Variants in GPC5 observed in about 807,000 individuals in gnomAD.
GPC5 encodes glypican 5.
GPC5 carries 47 observed loss-of-function variants against 53.9 expected under a neutral mutation model. The observed-to-expected ratio is 0.87, with a 90% CI of 0.69 to 1.11. GPC5 has a LOEUF of 1.11. Ranked by LOEUF, GPC5 falls within the 50% of genes most tolerant of loss-of-function variation. GPC5 has a pLI of 0.00. For synonymous variants in GPC5, 286 were observed against 263.3 expected (o/e 1.09, Z -0.84); for missense variants, 748 against 713.1 (o/e 1.05, Z -0.56).
At chr13:91,688,044 A>G (rs2035660335) in intron 2 of GPC5, among the ~76,000 whole-genome samples, 1 of 152,050 alleles carries the variant, frequency 6.6e-6, no homozygotes, top group Non-Finnish European at 1.5e-5. Flanking sequence ...GTTATTTTGA[A>G]AGTTTAAATT....
At chr13:92,522,310 C>A (rs565178493) in intron 7 of GPC5, among the ~76,000 whole-genome samples, 8 of 152,106 alleles carry the variant, frequency 5.3e-5, no homozygotes, top group Non-Finnish European at 1.0e-4. Flanking sequence ...TATAAAAACA[C>A]ATGCACACGT....
chr13:91,628,717 A>G (rs9301743), intron 2 of GPC5, among the ~76,000 whole-genome samples: 73,819 of 152,114 alleles, frequency 0.49, 21,007 homozygotes, highest in Non-Finnish European at 0.61. Flanking sequence ...ATAAATAACA[A>G]TAAGATAATA....
At chr13:91,852,946 C>G (rs1009538398) in intron 5 of GPC5, among the ~76,000 whole-genome samples, 1 of 152,060 alleles carries the variant, frequency 6.6e-6, no homozygotes, top group African/African-American at 2.4e-5. Context: ...CCATTCTAGG[C>G]TTCAGAACAA....
chr13:92,153,687 C>G (rs530579361), intron 7 of GPC5, among the ~76,000 whole-genome samples: 2 of 152,154 alleles, frequency 1.3e-5, no homozygotes, highest in South Asian at 2.1e-4. Flanking sequence ...GGTATGTGAG[C>G]CTGCTTTGCA....
In GPC5 at chr13:92,066,986, G is replaced by A. The variant is rs550877644; in HGVS notation, c.1402-77844G>A. 3.3e-5 allele frequency among the ~76,000 whole-genome samples: 5 copies of A among 152,112 alleles called. No homozygotes were observed. In the South Asian group the frequency reaches 1.0e-3, roughly 32 times the overall value. On this transcript the variant is annotated intron_variant, in intron 6 of 7. Transcript: ENST00000377067. ...TGAGCTAGGTAAGCTTTTTCCCCTA[G>A]CAATATTAAGGCTGTAGCCGCAAGT...
intron 7 of GPC5, among the ~76,000 whole-genome samples, chr13:92,817,008 C>G (rs1048293517): frequency 2.6e-5 from 4 of 151,804 alleles, no homozygotes; most frequent in African/African-American, 9.7e-5. Flanking sequence ...AACCTATAAC[C>G]AAAAATGGGT....
At chr13:91,548,440 A>G (rs2030425856) in intron 2 of GPC5, among the ~76,000 whole-genome samples, 1 of 152,128 alleles carries the variant, frequency 6.6e-6, no homozygotes, top group Admixed American at 6.6e-5. Context: ...AAACTATAAA[A>G]CTCTGATGAA....
intron 2 of GPC5, among the ~76,000 whole-genome samples, chr13:91,551,678 A>T (rs573289205): frequency 2.0e-5 from 3 of 152,238 alleles, no homozygotes; most frequent in East Asian, 3.9e-4. Context: ...GGAGTCAGAG[A>T]TGACCTTTGT....
intron 5 of GPC5, among the ~76,000 whole-genome samples, chr13:91,844,520 A>G (rs2038826244): frequency 6.6e-6 from 1 of 152,152 alleles, no homozygotes; most frequent in South Asian, 2.1e-4. Flanking sequence ...GTAGAACCGT[A>G]CAGCAACTAG....
chr13:91,944,272 A>G (rs1185601234), intron 6 of GPC5, among the ~76,000 whole-genome samples: 4 of 151,570 alleles, frequency 2.6e-5, no homozygotes, highest in Admixed American at 2.6e-4. Context: ...ATTTTTTTGT[A>G]TTTTTAGTAG....
chr13:91,541,638 GA>G (rs554663165), intron 2 of GPC5, among the ~76,000 whole-genome samples: 6 of 149,114 alleles, frequency 4.0e-5, no homozygotes, highest in East Asian at 3.9e-4. Flanking sequence ...AGTTACAAAG[GA>G]AAAAAAAAGA....
chr13:92,004,458 T>TTAAATATATATATA (rs2040585820), intron 6 of GPC5, among the ~76,000 whole-genome samples: 1 of 82,528 alleles, frequency 1.2e-5, no homozygotes, highest in Non-Finnish European at 2.2e-5. Flanking sequence ...AAAAAAAAAA[T>TTAAATATATATATA]TATATATATA....
chr13:91,776,896 C>A (rs565310439), intron 5 of GPC5, among the ~76,000 whole-genome samples: 24 of 152,292 alleles, frequency 1.6e-4, no homozygotes, highest in African/African-American at 5.3e-4. Context: ...ATGCAACCAT[C>A]AGAAAATAAT....
chr13:91,687,359 T>G lies in GPC5; in HGVS notation c.326-5828T>G, dbSNP rs557133049. Among the ~76,000 whole-genome samples the G allele has an allele frequency of 3.8e-3, 574 of 152,118 alleles. 4 individuals carry two copies. The highest frequency in any genetic ancestry group is 0.013 in the African/African-American group (555 of 41,572). ...ATTTGTGTCAGTAATCATTTGTGGG[T>G]TTAATAAATTTTCTCTAAAAGGAAT... On this transcript the variant is annotated intron_variant, in intron 2 of 7. Coordinates refer to ENST00000377067, the MANE Select transcript of GPC5 (RefSeq NM_004466.6).
At chr13:91,900,637 AAC>A (rs1594651034) in intron 5 of GPC5, among the ~76,000 whole-genome samples, 2 of 152,254 alleles carry the variant, frequency 1.3e-5, no homozygotes, top group East Asian at 3.9e-4. Flanking sequence ...AAACCATAAA[AAC>A]AGAGCTTTGA....
intron 5 of GPC5, among the ~76,000 whole-genome samples, chr13:91,904,140 C>CTTTTTTTTTTT (rs57293387): frequency 1.7e-4 from 16 of 94,652 alleles, no homozygotes; most frequent in African/African-American, 4.4e-4. Flanking sequence ...TCTTTTCTTT[C>CTTTTTTTTTTT]TTTTTTTTTT....
intron 2 of GPC5, among the ~76,000 whole-genome samples, chr13:91,526,138 G>A (rs567329202): frequency 1.3e-5 from 2 of 152,292 alleles, no homozygotes; most frequent in East Asian, 3.9e-4. Context: ...AATACGATCT[G>A]AATTTGGTCA....
intron 2 of GPC5, among the ~76,000 whole-genome samples, chr13:91,509,182 C>A (rs1477549454): frequency 1.3e-5 from 2 of 151,772 alleles, no homozygotes; most frequent in African/African-American, 4.8e-5. Flanking sequence ...TCTAATGCCC[C>A]AAAATTGCAG....
rs75868236 is a variant in GPC5 at position 92,527,108 on chromosome 13, A to AGAAAAG, written c.1562-339174_1562-339173insGAAAAG. Among the ~76,000 whole-genome samples, 13 of 39,024 alleles carry AGAAAAG rather than the reference A, an allele frequency of 3.3e-4. 2 individuals carry two copies. Among genetic ancestry groups the AGAAAAG allele is most frequent in the African/African-American group, 1.0e-3 (13 of 12,462 alleles). The allele number at this position is 39,024 out of a possible 152,430, so 25.6% of individuals were successfully genotyped here. On this transcript the variant is annotated intron_variant, in intron 7 of 7. Coordinates refer to ENST00000377067, the MANE Select transcript of GPC5 (RefSeq NM_004466.6). ...TGAGATTCTGTAGGAAAAGAAAGAA[A>AGAAAAG]AAAGAAAGAAAGAAAGAAAGAAAGA...
Sources: gnomAD v4.1 joint callset for allele counts (sites outside exome capture counted in the v4.1 genomes callset) on GRCh38, gnomAD v4.1.1 for gene constraint, MANE v1.5 for transcripts, NCBI Gene and HGNC (gene_info 2026-07-23, HGNC 2026-07-21) for gene names.